The following CEP112 variants were observed in gnomAD, a reference collection of about 807,000 sequenced individuals.
The protein encoded by CEP112 is centrosomal protein of 112 kDa.
Under a neutral mutation model 153.0 loss-of-function variants are expected in CEP112, and 127 were observed. The observed-to-expected ratio is 0.83, with a 90% CI of 0.72 to 0.96. The LOEUF (loss-of-function observed/expected upper bound fraction) is 0.96, where lower values mean the gene tolerates loss of function less well. CEP112 is among the 40% of genes least tolerant of loss of function. The pLI is 0.00. For synonymous variants in CEP112, 358 were observed against 374.4 expected (o/e 0.96, Z 0.51); for missense variants, 1,089 against 1,101.2 (o/e 0.99, Z 0.16).
intron 24 of CEP112, among the ~76,000 whole-genome samples, chr17:65,642,484 T>C (rs945485773): frequency 8.5e-5 from 13 of 152,126 alleles, no homozygotes; most frequent in Non-Finnish European, 1.2e-4. Context: ...TGGCCACTGT[T>C]ATAGAACATA....
chr17:65,775,522 G>T (rs2053627974), intron 21 of CEP112, among the ~76,000 whole-genome samples: 2 of 150,746 alleles, frequency 1.3e-5, no homozygotes, highest in African/African-American at 2.4e-5. Flanking sequence ...TTTTTTTTGA[G>T]ATGGAGTCTC....
chr17:65,826,247 A>G (rs141709389), intron 21 of CEP112: 1 of 1,613,956 alleles, frequency 6.2e-7, no homozygotes, highest in Non-Finnish European at 8.5e-7. Context: ...TATCAGTCTC[A>G]GGGCTTGGTT....
At position 66,034,424 on chromosome 17, in the gene CEP112, C is replaced by T. The variant is rs1008515412; in HGVS notation, c.1219-4401G>A. Among the ~76,000 whole-genome samples the T allele has an allele frequency of 2.6e-5, 4 of 151,986 alleles. No homozygotes were observed. In the South Asian group the frequency reaches 8.3e-4, roughly 32 times the overall value. On this transcript the variant is annotated intron_variant, in intron 12 of 26. Coordinates refer to ENST00000535342, the MANE Select transcript of CEP112 (RefSeq NM_001199165.4). ...TATTTCTTTTTTTCCTTATATGAATCCAAAATAAATGTGAACATCATAAAA... is the reference window on the plus strand; with the variant it reads ...TATTTCTTTTTTTCCTTATATGAATTCAAAATAAATGTGAACATCATAAAA...
At chr17:65,971,405 G>A (rs1219180240) in intron 17 of CEP112, among the ~76,000 whole-genome samples, 1 of 52,032 alleles carries the variant, frequency 1.9e-5, no homozygotes, top group South Asian at 1.6e-3. Context: ...CATGTATATT[G>A]CACCCATGCA....
In CEP112 at chr17:66,032,894, C is replaced by G. The variant is rs1231739404; in HGVS notation, c.1219-2871G>C. Among the ~76,000 whole-genome samples, 3 of 152,108 alleles carry G rather than the reference C, an allele frequency of 2.0e-5. No homozygotes were observed. The East Asian group carries it at 5.8e-4, about 29-fold the overall frequency. ...TAGTCCAGAAGAAGAAGTCTCGTGG[C>G]TGGAAATCCTGAAAATGTCATCAGA... On this transcript the variant is annotated intron_variant, in intron 12 of 26. Transcript: ENST00000535342.
At chr17:65,770,183 GA>G (rs2053255010) in intron 21 of CEP112, among the ~76,000 whole-genome samples, 1 of 150,452 alleles carries the variant, frequency 6.6e-6, no homozygotes, top group African/African-American at 2.4e-5. Context: ...TAAATACAGA[GA>G]AAACCATATC....
At chr17:66,000,354 T>A (rs1414414598) in intron 17 of CEP112, among the ~76,000 whole-genome samples, 1 of 151,626 alleles carries the variant, frequency 6.6e-6, no homozygotes, top group African/African-American at 2.4e-5. Flanking sequence ...CTTTTTTTTT[T>A]AAACTGTTAA....
intron 17 of CEP112, among the ~76,000 whole-genome samples, chr17:65,982,366 A>G (rs2063260390): frequency 6.6e-6 from 1 of 152,240 alleles, no homozygotes. Context: ...CCCGAAGTAG[A>G]GAAGGGCAAC....
chr17:65,779,352 G>A (rs2053874100), intron 21 of CEP112, among the ~76,000 whole-genome samples: 2 of 152,138 alleles, frequency 1.3e-5, no homozygotes, highest in East Asian at 1.9e-4. Context: ...ATCGAGACAG[G>A]AGAGTGGTAG....
At chr17:65,879,625 G>T (rs1247666703) in intron 20 of CEP112, among the ~76,000 whole-genome samples, 1 of 151,994 alleles carries the variant, frequency 6.6e-6, no homozygotes, top group Non-Finnish European at 1.5e-5. Context: ...AACCAACCCT[G>T]AAGGAAAGAG....
At chr17:66,131,614 G>A (rs975150368) in intron 5 of CEP112, among the ~76,000 whole-genome samples, 36 of 152,086 alleles carry the variant, frequency 2.4e-4, no homozygotes, top group African/African-American at 8.5e-4. Flanking sequence ...GGCGGCAGGC[G>A]CCTGTAGTCC....
chr17:65,640,152 A>ATTTT (rs1246755697), intron 25 of CEP112, among the ~76,000 whole-genome samples: 6 of 68,684 alleles, frequency 8.7e-5, no homozygotes, highest in East Asian at 1.6e-3. Flanking sequence ...ATATATATAT[A>ATTTT]TATTTTTTTT....
intron 21 of CEP112, among the ~76,000 whole-genome samples, chr17:65,824,420 G>C (rs1568072503): frequency 1.3e-5 from 2 of 152,246 alleles, no homozygotes; most frequent in Non-Finnish European, 2.9e-5. Flanking sequence ...AAGTGGAGCT[G>C]ATGACAAAGG....
chr17:65,829,649 A>G (rs1290753918), intron 21 of CEP112, among the ~76,000 whole-genome samples: 1 of 152,244 alleles, frequency 6.6e-6, no homozygotes, highest in Non-Finnish European at 1.5e-5. Context: ...GAATATTAAA[A>G]TAATTACAGT....
intron 19 of CEP112, among the ~76,000 whole-genome samples, chr17:65,920,028 A>G (rs1412954338): frequency 6.6e-6 from 1 of 151,968 alleles, no homozygotes; most frequent in Non-Finnish European, 1.5e-5. Flanking sequence ...AGATGAAAAC[A>G]ATAAACAGTG....
rs528267570 is a variant in CEP112, at chr17:65,696,237, G to A, written c.2608-7019C>T. Among the ~76,000 whole-genome samples, 15 of 152,170 alleles carry A rather than the reference G, an allele frequency of 9.9e-5. 1 individual carries two copies. In the South Asian group the frequency reaches 2.1e-3, roughly 21 times the overall value. On this transcript the variant is annotated intron_variant, in intron 23 of 26. Transcript: ENST00000535342. ...ATTCTGCCTCATTCTATGTTGTTAC[G>A]TCTTGGTAAAATGCTAATAGTGCCT... is the stretch of plus-strand genomic sequence containing the variant.
At chr17:65,904,177 T>C (rs899653220) in intron 19 of CEP112, among the ~76,000 whole-genome samples, 4 of 152,218 alleles carry the variant, frequency 2.6e-5, no homozygotes, top group African/African-American at 9.6e-5. Flanking sequence ...TGTTTGCAGA[T>C]GACATGATTG....
At chr17:65,665,895 C>G (rs1009921517) in intron 24 of CEP112, among the ~76,000 whole-genome samples, 9 of 152,150 alleles carry the variant, frequency 5.9e-5, no homozygotes, top group Non-Finnish European at 1.0e-4. Context: ...AAGGGCCACT[C>G]GATTTAAACT....
intron 18 of CEP112, among the ~76,000 whole-genome samples, chr17:65,940,338 A>G (rs1056392197): frequency 6.6e-6 from 1 of 152,204 alleles, no homozygotes; most frequent in African/African-American, 2.4e-5. Context: ...TTTCCTCAAA[A>G]AACTAAAAAT....
Sources: gnomAD v4.1 joint callset for allele counts (sites outside exome capture counted in the v4.1 genomes callset) on GRCh38, gnomAD v4.1.1 for gene constraint, MANE v1.5 for transcripts, NCBI Gene and HGNC (gene_info 2026-07-23, HGNC 2026-07-21) for gene names.